TMEM117: variants seen among roughly 807,000 people sequenced by gnomAD.
The protein encoded by TMEM117 is transmembrane protein 117.
Under a neutral mutation model 52.4 loss-of-function variants are expected in TMEM117, and 27 were observed. The ratio of observed to expected loss-of-function variants is 0.51; its 90% confidence interval spans 0.38 to 0.71. The LOEUF is 0.71. TMEM117 is among the 30% of genes least tolerant of loss of function. The probability of loss-of-function intolerance (pLI) is 0.00; values close to 1 mark genes in which losing one functional copy is unlikely to be tolerated. For missense variants in TMEM117, 556 were observed against 630.5 expected, an observed-to-expected ratio of 0.88 and a Z score of 1.26; for synonymous variants, 215 against 206.3, an observed-to-expected ratio of 1.04 and a Z score of -0.36.
intron 4 of TMEM117, among the ~76,000 whole-genome samples, chr12:44,203,416 G>A (rs2112148): frequency 0.039 from 5,869 of 151,950 alleles, 149 homozygotes; most frequent in Admixed American, 0.05. Flanking sequence ...TTTTTGTTTC[G>A]TTCATCTTCT....
intron 3 of TMEM117, among the ~76,000 whole-genome samples, chr12:44,079,190 T>C (rs544525161): frequency 2.8e-4 from 43 of 152,180 alleles, no homozygotes; most frequent in African/African-American, 8.9e-4. Flanking sequence ...GCATGGTCTT[T>C]ATAGTAGAAT....
chr12:44,123,642 A>G (rs1331452040), intron 3 of TMEM117, among the ~76,000 whole-genome samples: 1 of 152,078 alleles, frequency 6.6e-6, no homozygotes, highest in African/African-American at 2.4e-5. Flanking sequence ...TCCCAACATC[A>G]TTTACTAAAT....
intron 4 of TMEM117, among the ~76,000 whole-genome samples, chr12:44,204,266 T>C (rs1949535316): frequency 6.6e-6 from 1 of 152,064 alleles, no homozygotes; most frequent in Non-Finnish European, 1.5e-5. Flanking sequence ...TTTCTGTATG[T>C]CAATAATGTC....
At chr12:44,284,429 T>G (rs1406559990) in intron 5 of TMEM117, among the ~76,000 whole-genome samples, 1 of 152,234 alleles carries the variant, frequency 6.6e-6, no homozygotes, top group Non-Finnish European at 1.5e-5. Flanking sequence ...CGGGTATGTC[T>G]TTAGTAGCAG....
chr12:44,212,926 A>C (rs146680035), intron 5 of TMEM117, among the ~76,000 whole-genome samples: 2 of 152,258 alleles, frequency 1.3e-5, no homozygotes, highest in Non-Finnish European at 2.9e-5. Context: ...GGACATGTTG[A>C]ACTCAATTCT....
intron 5 of TMEM117, among the ~76,000 whole-genome samples, chr12:44,220,028 C>T (rs1485093716): frequency 2.0e-5 from 3 of 152,120 alleles, no homozygotes; most frequent in Non-Finnish European, 2.9e-5. Flanking sequence ...TTCCATAGAA[C>T]ACAATCTAGC....
At chr12:43,840,856 A>G (rs1943105788) in intron 1 of TMEM117, among the ~76,000 whole-genome samples, 1 of 152,024 alleles carries the variant, frequency 6.6e-6, no homozygotes, top group Non-Finnish European at 1.5e-5. Context: ...GTCCATTTGA[A>G]CAGCCTCAAG....
At chr12:44,121,309 G>A (rs1948230524) in intron 3 of TMEM117, among the ~76,000 whole-genome samples, 1 of 152,094 alleles carries the variant, frequency 6.6e-6, no homozygotes, top group Admixed American at 6.6e-5. Flanking sequence ...CCTAAAATCT[G>A]TAATAAATAT....
chr12:43,842,721 A>AAC (rs145707134), intron 1 of TMEM117, among the ~76,000 whole-genome samples: 17,984 of 149,770 alleles, frequency 0.12, 3,118 homozygotes, highest in African/African-American at 0.39. Context: ...ATTCTTTCTC[A>AAC]ACACACACAC....
chr12:44,069,220 C>T (rs1947265217), intron 3 of TMEM117, among the ~76,000 whole-genome samples: 1 of 152,122 alleles, frequency 6.6e-6, no homozygotes, highest in Non-Finnish European at 1.5e-5. Flanking sequence ...AATAAACCCT[C>T]AAGTCTTAAA....
intron 5 of TMEM117, among the ~76,000 whole-genome samples, chr12:44,220,268 T>C (rs942225002): frequency 6.6e-6 from 1 of 152,112 alleles, no homozygotes; most frequent in Non-Finnish European, 1.5e-5. Context: ...AATTGATTGA[T>C]GAGTAAATGA....
chr12:44,254,990 T>G (rs572515918), intron 5 of TMEM117, among the ~76,000 whole-genome samples: 5 of 152,260 alleles, frequency 3.3e-5, no homozygotes, highest in Non-Finnish European at 5.9e-5. Flanking sequence ...ACATGAACTG[T>G]TCATATTTTA....
At chr12:44,106,973 A>G (rs537938673) in intron 3 of TMEM117, among the ~76,000 whole-genome samples, 2 of 151,976 alleles carry the variant, frequency 1.3e-5, no homozygotes, top group Non-Finnish European at 2.9e-5. Flanking sequence ...CATTGCATTC[A>G]TAAGAGGTCA....
At chr12:44,205,295 G>T (rs886278277) in intron 4 of TMEM117, among the ~76,000 whole-genome samples, 1 of 152,178 alleles carries the variant, frequency 6.6e-6, no homozygotes, top group Non-Finnish European at 1.5e-5. Flanking sequence ...GAGTTCCCCT[G>T]TACAAGCTCT....
chr12:44,101,843 C>A (rs915886463), intron 3 of TMEM117, among the ~76,000 whole-genome samples: 10 of 151,964 alleles, frequency 6.6e-5, no homozygotes, highest in African/African-American at 1.7e-4. Context: ...GGTGTTTAAT[C>A]CCTGCATGCC....
At chr12:43,820,792 T>C in the TMEM117 span, among the ~76,000 whole-genome samples, 2 of 152,006 alleles carry the variant, frequency 1.3e-5, no homozygotes, top group African/African-American at 4.8e-5. Flanking sequence ...TGCCAAACCC[T>C]TCTGTCTTTC....
At chr12:44,303,475 T>G (rs909124655) in intron 6 of TMEM117, among the ~76,000 whole-genome samples, 1 of 152,198 alleles carries the variant, frequency 6.6e-6, no homozygotes, top group Non-Finnish European at 1.5e-5. Flanking sequence ...AAATCATTAA[T>G]TTTTATAGAT....
chr12:43,883,784 A>C (rs1159573540), intron 2 of TMEM117, among the ~76,000 whole-genome samples: 1 of 151,496 alleles, frequency 6.6e-6, no homozygotes, highest in African/African-American at 2.4e-5. Context: ...AAAAAACAAA[A>C]AAAAACCCCA....
chr12:43,813,917 G>C, the TMEM117 span, among the ~76,000 whole-genome samples: 1 of 151,712 alleles, frequency 6.6e-6, no homozygotes, highest in South Asian at 2.1e-4. Context: ...TCAGTGCCCT[G>C]ATATTTCCTA....
Sources: allele counts gnomAD v4.1 joint callset (sites outside exome capture counted in the v4.1 genomes callset), GRCh38; gene constraint gnomAD v4.1.1; transcripts MANE v1.5; gene names NCBI Gene and HGNC (gene_info 2026-07-23, HGNC 2026-07-21).